RAP1GAP2: variants seen among roughly 807,000 people sequenced by gnomAD.
RAP1GAP2 encodes rap1 GTPase-activating protein 2.
RAP1GAP2 carries 27 observed loss-of-function variants against 95.0 expected under a neutral mutation model. The ratio of observed to expected loss-of-function variants is 0.28; its 90% CI spans 0.21 to 0.39. The LOEUF (loss-of-function observed/expected upper bound fraction) is 0.39. Among genes scored for constraint, RAP1GAP2 ranks in the 10% least tolerant of loss-of-function variants. The pLI is 1.00. For synonymous variants in RAP1GAP2, 373 were observed against 380.9 expected, an observed-to-expected ratio of 0.98 and a Z score of 0.24; for missense variants, 771 against 970.0, an observed-to-expected ratio of 0.79 and a Z score of 2.72.
rs753377969 is a variant in RAP1GAP2, at chr17:2,995,471, C to T, written c.1044+5C>T. The T allele has an allele frequency of 2.5e-6, 4 of 1,613,508 alleles. No homozygotes were observed. In the East Asian group the frequency reaches 8.9e-5, roughly 36 times the overall value. ...ACCGACGGAGACGCCCAGCAGGTAA[C>T]CTGGTTTGGGAGGGCTTTGGGAGCC... On this transcript the variant is annotated splice_donor_5th_base_variant and intron_variant, in intron 13 of 24. Transcript: ENST00000254695.
At chr17:2,940,471 G>C (rs56215632) in intron 3 of RAP1GAP2, among the ~76,000 whole-genome samples, 5 of 152,230 alleles carry the variant, frequency 3.3e-5, no homozygotes, top group Admixed American at 1.3e-4. Flanking sequence ...ATGGCGAGAG[G>C]GGGAGGGACT....
chr17:2,785,412 AAAGT>A (rs2068749059), intron 1 of RAP1GAP2, among the ~76,000 whole-genome samples: 1 of 152,044 alleles, frequency 6.6e-6, no homozygotes, highest in African/African-American at 2.4e-5. Flanking sequence ...AAAAAAAAAA[AAAGT>A]AAGATAAATA....
intron 2 of RAP1GAP2, among the ~76,000 whole-genome samples, chr17:2,803,594 C>T (rs937726316): frequency 2.6e-5 from 4 of 152,194 alleles, no homozygotes; most frequent in South Asian, 4.1e-4. Flanking sequence ...CAAAACGTAT[C>T]GCGGCCAGGC....
In RAP1GAP2 at chr17:2,797,105, G is replaced by T. The variant is rs976395075; in HGVS notation, c.44+534G>T. 2.0e-5 allele frequency among the ~76,000 whole-genome samples: 3 copies of T among 152,082 alleles called. No homozygotes were observed. The South Asian group carries it at 6.2e-4, about 31-fold the overall frequency. On this transcript the variant is annotated intron_variant, in intron 1 of 24. Coordinates refer to ENST00000254695, the MANE Select transcript of RAP1GAP2 (RefSeq NM_015085.5). The surrounding 1 kb of genome is among the most constrained non-coding windows in gnomAD (Gnocchi z 5.6). ...TGATGCTCCTGTCTGTGCTGTTGTT[G>T]TGGCCTTGTGGCAGGGGAGTCTGTA...
chr17:2,923,554 G>A (rs180893066), intron 3 of RAP1GAP2, among the ~76,000 whole-genome samples: 28 of 147,562 alleles, frequency 1.9e-4, no homozygotes, highest in Admixed American at 8.8e-4. Flanking sequence ...GGCTGGTCTC[G>A]AACTCCTGAC....
intron 1 of RAP1GAP2, among the ~76,000 whole-genome samples, chr17:2,785,755 A>G (rs2068756772): frequency 6.6e-6 from 1 of 152,284 alleles, no homozygotes; most frequent in South Asian, 2.1e-4. Flanking sequence ...TTCCTTCTTT[A>G]ATCCGGTGTC....
In RAP1GAP2 at chr17:3,006,049, T is replaced by G; in HGVS notation, c.1359+8T>G. The G allele has an allele frequency of 2.5e-6, 4 of 1,609,704 alleles. No individual in the cohort carries two copies. Among genetic ancestry groups the G allele is most frequent in the Non-Finnish European group, 3.4e-6 (4 of 1,177,706 alleles). ...AAGTTTGCAAAGCTGGAGGTGAGAG[T>G]GTGGTTTCTGAAGGTCTCCCTCCTG... On this transcript the variant is annotated splice_region_variant and intron_variant, in intron 16 of 24. Coordinates refer to ENST00000254695, the MANE Select transcript of RAP1GAP2 (RefSeq NM_015085.5).
In RAP1GAP2 at chr17:2,963,349, C is replaced by T; in HGVS notation, c.247-81C>T. On this transcript the variant is annotated intron_variant, in intron 5 of 24. Transcript: ENST00000254695. This position sits in a 1 kb window ranked among gnomAD's most constrained non-coding sequence, Gnocchi z 4.8. ...TCAAAGCCCCCCCACAACATATCCCCCTTGCAAGACCTGGAAACAGTGGTC... is the reference window on the plus strand; with the variant it reads ...TCAAAGCCCCCCCACAACATATCCCTCTTGCAAGACCTGGAAACAGTGGTC... 6.5e-7 allele frequency: 1 copy of T among 1,536,532 alleles called. No individual in the cohort carries two copies.
At chr17:2,762,209 G>C (rs1191959506) in intron 1 of RAP1GAP2, among the ~76,000 whole-genome samples, 9 of 151,032 alleles carry the variant, frequency 6.0e-5, no homozygotes, top group Non-Finnish European at 1.3e-4. Flanking sequence ...GGATGATCTC[G>C]ATCTCCTGAC....
intron 19 of RAP1GAP2, among the ~76,000 whole-genome samples, chr17:3,025,542 G>A (rs1419470970): frequency 6.6e-6 from 1 of 152,214 alleles, no homozygotes; most frequent in Non-Finnish European, 1.5e-5. Context: ...GTGGGACCAG[G>A]AGCTCGTATT....
chr17:2,825,818 T>C lies in RAP1GAP2; in HGVS notation c.80+25268T>C, dbSNP rs1225566527. Among the ~76,000 whole-genome samples the C allele has an allele frequency of 2.0e-5, 3 of 152,024 alleles. No individual in the cohort carries two copies. The highest frequency in any genetic ancestry group is 7.2e-5 in the African/African-American group (3 of 41,410). Reference sequence around the variant, plus strand: ...TCACAGTCTCTGGAGGAAACAGACATTTAACAGTCATCTGCAAAGCATGAG... The same window carrying C: ...TCACAGTCTCTGGAGGAAACAGACACTTAACAGTCATCTGCAAAGCATGAG... On this transcript the variant is annotated intron_variant, in intron 2 of 24. Coordinates refer to ENST00000254695, the MANE Select transcript of RAP1GAP2 (RefSeq NM_015085.5). The surrounding 1 kb of genome is among the most constrained non-coding windows in gnomAD (Gnocchi z 4.1).
chr17:2,947,620 A>C (rs2043749935), intron 3 of RAP1GAP2, among the ~76,000 whole-genome samples: 1 of 152,122 alleles, frequency 6.6e-6, no homozygotes, highest in South Asian at 2.1e-4. Flanking sequence ...GCAAACGAAG[A>C]GCTCTGCCCT....
intron 3 of RAP1GAP2, among the ~76,000 whole-genome samples, chr17:2,936,627 G>A (rs934816321): frequency 6.6e-6 from 1 of 152,128 alleles, no homozygotes; most frequent in African/African-American, 2.4e-5. Flanking sequence ...GGATGATCAT[G>A]AGGGTCAAAT....
At chr17:2,970,567 T>C (rs2151509694) in intron 8 of RAP1GAP2, among the ~76,000 whole-genome samples, 1 of 152,354 alleles carries the variant, frequency 6.6e-6, no homozygotes, top group Middle Eastern at 3.4e-3. Context: ...TGTCAAACAC[T>C]TGGATTTTTG....
intron 1 of RAP1GAP2, among the ~76,000 whole-genome samples, chr17:2,788,175 G>A (rs974910132): frequency 6.6e-6 from 1 of 152,098 alleles, no homozygotes; most frequent in African/African-American, 2.4e-5. Context: ...GTATTAGTCA[G>A]GGCTTTGCAG....
Position 2,796,441 on chromosome 17 carries a change from G to C in RAP1GAP2, c.-87G>C. ...GGGCTCCCCGCCCTGCACCGGCACT[G>C]ACCCCGCTGTACCACGGCCCTCTTG... On this transcript the variant is annotated 5_prime_UTR_variant, in exon 1 of 25. Coordinates refer to ENST00000254695, the MANE Select transcript of RAP1GAP2 (RefSeq NM_015085.5). The surrounding 1 kb of genome is among the most constrained non-coding windows in gnomAD (Gnocchi z 4.7). The C allele has an allele frequency of 6.8e-7, 1 of 1,472,756 alleles. No homozygotes were observed. Among genetic ancestry groups the C allele is most frequent in the South Asian group, 1.2e-5 (1 of 82,288 alleles). The allele number at this position is 1,472,756 out of a possible 1,614,324, so 91.2% of individuals were successfully genotyped here. A position where few individuals can be genotyped will look rare whatever the true frequency, so the allele number is the denominator to read the frequency against.
Position 2,902,838 on chromosome 17 carries a change from G to A in RAP1GAP2, c.81-2446G>A, listed in dbSNP as rs2042068976. ...AGGGGAGAGGGGCTCAGCTCAGGGAGTGTTGGATGCTGCGCCCTTTTGACC... is the reference window on the plus strand; with the variant it reads ...AGGGGAGAGGGGCTCAGCTCAGGGAATGTTGGATGCTGCGCCCTTTTGACC... On this transcript the variant is annotated intron_variant, in intron 2 of 24. Transcript: ENST00000254695. This position sits in a 1 kb window ranked among gnomAD's most constrained non-coding sequence, Gnocchi z 4.1. Among the ~76,000 whole-genome samples, 1 of 152,194 alleles carries A rather than the reference G, an allele frequency of 6.6e-6. No homozygotes were observed. Among genetic ancestry groups the A allele is most frequent in the African/African-American group, 2.4e-5 (1 of 41,454 alleles).
intron 2 of RAP1GAP2, among the ~76,000 whole-genome samples, chr17:2,887,074 G>GT (rs112392825): frequency 3.6e-3 from 530 of 146,278 alleles, no homozygotes; most frequent in Middle Eastern, 3.5e-3. Flanking sequence ...ACGAATAATA[G>GT]TTTTTTTTTT....
At chr17:2,823,433 T>TA in intron 2 of RAP1GAP2, among the ~76,000 whole-genome samples, 1 of 152,330 alleles carries the variant, frequency 6.6e-6, no homozygotes, top group Non-Finnish European at 1.5e-5. Context: ...GAAAAACTGT[T>TA]AGGATTCTAG....
Sources: gnomAD v4.1 joint callset for allele counts (sites outside exome capture counted in the v4.1 genomes callset) on GRCh38, gnomAD v4.1.1 for gene constraint, Gnocchi (gnomAD v3.1) non-coding constraint, MANE v1.5 for transcripts, NCBI Gene and HGNC (gene_info 2026-07-23, HGNC 2026-07-21) for gene names.